RIPOR2: variants seen among roughly 807,000 people sequenced by gnomAD.
The protein encoded by RIPOR2 is rho family-interacting cell polarization regulator 2.
In RIPOR2, 39 loss-of-function variants were observed where a neutral mutation model predicts 114.5. That is an observed-to-expected ratio of 0.34 (90% CI 0.26 to 0.44). The LOEUF is 0.44. RIPOR2 is among the 20% of genes least tolerant of loss of function. The pLI, the probability that RIPOR2 is intolerant of heterozygous loss-of-function variation, is 1.00. For synonymous variants in RIPOR2, 445 were observed against 484.4 expected (o/e 0.92, Z 1.07); for missense variants, 1,007 against 1,255.1 (o/e 0.80, Z 2.99).
At chr6:24,865,507 AG>A in intron 6 of RIPOR2, 57 bp from the exon 7 acceptor site, 1 of 1,411,992 alleles carries the variant, frequency 7.1e-7, no homozygotes, top group Non-Finnish European at 9.7e-7. Flanking sequence ...GAAAATACAT[AG>A]ATCATTGTTA....
chr6:24,830,398 T>G (rs1760570798), intron 17 of RIPOR2, 111 bp downstream of exon 17: 1 of 799,424 alleles, frequency 1.3e-6, no homozygotes, highest in Non-Finnish European at 2.0e-6. Context: ...GCCTTTTGTG[T>G]GTTTCCCATC....
intron 13 of RIPOR2, chr6:24,840,430 A>G: frequency 7.9e-7 from 1 of 1,265,726 alleles, no homozygotes; most frequent in South Asian, 1.6e-5. Context: ...TGCTGGCCAC[A>G]TGCAGAAACA....
chr6:24,809,568 T>A (rs1780999868), intron 21 of RIPOR2, 149 bp downstream of exon 21: 1 of 632,914 alleles, frequency 1.6e-6, no homozygotes, highest in African/African-American at 1.8e-5. Flanking sequence ...CTTCGTACTC[T>A]GTGTGTGAGA....
chr6:24,850,497 G>T (rs1762780517), intron 10 of RIPOR2, 100 bp downstream of exon 10: 3 of 1,302,684 alleles, frequency 2.3e-6, no homozygotes, highest in Admixed American at 1.8e-5. Flanking sequence ...AAAGTCTGTG[G>T]GATGGAGGGG....
rs34572978 is a variant in RIPOR2 at position 25,005,738 on chromosome 6, T to TATATATATATATACAC, written c.76+36112_76+36113insGTGTATATATATATAT. The stretch of plus-strand genomic sequence containing the variant: ...ATATATATATATATATATATATATA[T>TATATATATATATACAC]ATACATTTACCGATCAAAAGATATG... On this transcript the variant is annotated intron_variant, in intron 1 of 13. Coordinates refer to the RIPOR2 transcript ENST00000510784. Among the ~76,000 whole-genome samples the TATATATATATATACAC allele has an allele frequency of 1.1e-3, 79 of 70,694 alleles. 9 individuals carry two copies. The highest frequency in any genetic ancestry group is 2.0e-3 in the Non-Finnish European group (61 of 30,020). The allele number at this position is 70,694 out of a possible 152,430, so 46.4% of individuals were successfully genotyped here. A position where few individuals can be genotyped will look rare whatever the true frequency, so the allele number is the denominator to read the frequency against.
intron 1 of RIPOR2, among the ~76,000 whole-genome samples, chr6:24,971,840 T>C (rs951354235): frequency 3.3e-5 from 5 of 152,230 alleles, no homozygotes; most frequent in South Asian, 2.1e-4. Context: ...TCAGCAAATA[T>C]AGTTATGACT....
chr6:24,826,099 G>A (rs1370247851), intron 18 of RIPOR2, among the ~76,000 whole-genome samples: 1 of 151,756 alleles, frequency 6.6e-6, no homozygotes, highest in East Asian at 1.9e-4. Flanking sequence ...GCTAATTGTT[G>A]TATTTTTAGT....
intron 13 of RIPOR2, among the ~76,000 whole-genome samples, chr6:24,841,637 A>G (rs1330643103): frequency 3.7e-5 from 4 of 107,612 alleles, no homozygotes; most frequent in African/African-American, 1.4e-4. Flanking sequence ...TTTTTTTTTG[A>G]GACAGGGTCT....
intron 1 of RIPOR2, among the ~76,000 whole-genome samples, chr6:24,957,207 T>C (rs1467558956): frequency 1.4e-5 from 1 of 70,184 alleles, no homozygotes; most frequent in Non-Finnish European, 4.4e-5. Context: ...GGACTCACTG[T>C]CTAAAGACGT....
chr6:25,005,383 G>A (rs1393198562), intron 1 of RIPOR2, among the ~76,000 whole-genome samples: 1 of 152,018 alleles, frequency 6.6e-6, no homozygotes, highest in African/African-American at 2.4e-5. Context: ...TAATCCATAA[G>A]TGTCATAGAG....
chr6:24,826,054 G>A (rs1175056259), intron 18 of RIPOR2, among the ~76,000 whole-genome samples: 1 of 150,958 alleles, frequency 6.6e-6, no homozygotes, highest in Non-Finnish European at 1.5e-5. Context: ...AGCCTCCCAA[G>A]TAGCTGGGAT....
chr6:24,981,103 G>C (rs892065188), intron 1 of RIPOR2, among the ~76,000 whole-genome samples: 2 of 152,180 alleles, frequency 1.3e-5, no homozygotes, highest in Non-Finnish European at 2.9e-5. Flanking sequence ...AAAGGGTGTA[G>C]AGTTTGGATG....
At chr6:24,912,467 C>T (rs372629854) in intron 1 of RIPOR2, among the ~76,000 whole-genome samples, 8 of 110,350 alleles carry the variant, frequency 7.2e-5, no homozygotes, top group African/African-American at 2.7e-4. Flanking sequence ...TGCCCCCCCC[C>T]TTTTTTTTTT....
rs994368270 is a variant in RIPOR2 at position 24,823,101 on chromosome 6, T to C, written c.2868+2125A>G. Among the ~76,000 whole-genome samples the C allele has an allele frequency of 4.6e-5, 7 of 152,332 alleles. No homozygotes were observed. The South Asian group carries it at 1.4e-3, about 32-fold the overall frequency. The stretch of plus-strand genomic sequence containing the variant: ...AGGTGTGGGGAAAAGCATAAAATAA[T>C]GAACCAACACACACAACTTTTATTT... On this transcript the variant is annotated intron_variant, in intron 19 of 21. Transcript: ENST00000643898.
At chr6:24,993,422 T>C (rs1774920755) in intron 1 of RIPOR2, among the ~76,000 whole-genome samples, 6 of 152,268 alleles carry the variant, frequency 3.9e-5, no homozygotes, top group Admixed American at 3.9e-4. Flanking sequence ...TTTTCTGTTT[T>C]CCATTTGCTT....
chr6:24,955,678 T>C (rs1773000129), intron 1 of RIPOR2, among the ~76,000 whole-genome samples: 1 of 143,274 alleles, frequency 7.0e-6, no homozygotes, highest in Non-Finnish European at 1.5e-5. Context: ...TTACTCCGTC[T>C]AAGGTCCATG....
intron 1 of RIPOR2, among the ~76,000 whole-genome samples, chr6:25,035,732 T>C (rs1193448724): frequency 6.6e-6 from 1 of 152,074 alleles, no homozygotes; most frequent in Non-Finnish European, 1.5e-5. Flanking sequence ...GGCTGCTCTG[T>C]AAATTGACGC....
intron 1 of RIPOR2, among the ~76,000 whole-genome samples, chr6:24,985,103 C>T (rs924903472): frequency 2.0e-5 from 3 of 152,174 alleles, no homozygotes; most frequent in African/African-American, 2.4e-5. Context: ...ACTTTTTTAC[C>T]GTAAACAATT....
intron 1 of RIPOR2, among the ~76,000 whole-genome samples, chr6:24,978,151 T>C (rs1280027789): frequency 6.6e-6 from 1 of 152,162 alleles, no homozygotes; most frequent in African/African-American, 2.4e-5. Flanking sequence ...AATATGAATC[T>C]AGTGTGAGTG....
Sources: allele counts gnomAD v4.1 joint callset (sites outside exome capture counted in the v4.1 genomes callset), GRCh38; gene constraint gnomAD v4.1.1; transcripts MANE v1.5; gene names NCBI Gene and HGNC (gene_info 2026-07-23, HGNC 2026-07-21).